The following KATNAL2 variants were observed in gnomAD, a reference collection of about 807,000 sequenced individuals.
KATNAL2 encodes the protein katanin p60 ATPase-containing subunit A-like 2.
KATNAL2 carries 52 observed loss-of-function variants against 76.3 expected under a neutral mutation model. That is an observed-to-expected ratio of 0.68 (90% CI 0.55 to 0.86). The LOEUF (loss-of-function observed/expected upper bound fraction) is 0.86. KATNAL2 is among the 40% of genes least tolerant of loss of function. The pLI is 0.00. For missense variants in KATNAL2, 660 were observed against 668.9 expected (o/e 0.99, Z 0.15); for synonymous variants, 243 against 244.2 (o/e 1.00, Z 0.05).
chr18:47,033,004 T>C lies in KATNAL2; in HGVS notation c.52-13453T>C, dbSNP rs756570695. 1.7e-5 allele frequency: 27 copies of C among 1,613,968 alleles called. No individual in the cohort carries two copies. In the Admixed American group the frequency reaches 3.5e-4, roughly 21 times the overall value. On this transcript the variant is annotated intron_variant, in intron 3 of 17. Coordinates refer to ENST00000683218, the MANE Select transcript of KATNAL2 (RefSeq NM_001387690.1). ...TTATCTGCAAGGCAAGTCCTGAGTT[T>C]ATCGTCGGGAGAATCTTCTCTTGTA...
At chr18:46,950,725 C>G (rs1158545264) in intron 3 of KATNAL2, among the ~76,000 whole-genome samples, 2 of 152,152 alleles carry the variant, frequency 1.3e-5, no homozygotes, top group Admixed American at 1.3e-4. Flanking sequence ...ACTCTTGATG[C>G]CCAGGCTAGA....
intron 3 of KATNAL2, among the ~76,000 whole-genome samples, chr18:46,952,668 G>A (rs575959353): frequency 6.6e-6 from 1 of 151,972 alleles, no homozygotes; most frequent in African/African-American, 2.4e-5. Context: ...TGAAGTGTTG[G>A]GATTACAGGC....
intron 6 of KATNAL2, among the ~76,000 whole-genome samples, chr18:47,057,992 T>C (rs867919633): frequency 6.6e-6 from 1 of 151,946 alleles, no homozygotes. Flanking sequence ...GAAAGGGAAA[T>C]GAAGAGGGTG....
intron 15 of KATNAL2, among the ~76,000 whole-genome samples, chr18:47,079,680 T>C (rs2062415469): frequency 6.6e-6 from 1 of 152,036 alleles, no homozygotes; most frequent in Admixed American, 6.5e-5. Flanking sequence ...CCTCCACTTG[T>C]CATTGACTTA....
Position 46,946,207 on chromosome 18 carries a change from T to C in KATNAL2, c.-359T>C. 9.5e-7 allele frequency: 1 copy of C among 1,047,152 alleles called. No homozygotes were observed. The highest frequency in any genetic ancestry group is 1.2e-6 in the Non-Finnish European group (1 of 864,506). 64.9% of individuals were successfully genotyped at this position (1,047,152 alleles called of 1,614,324 possible). A position where few individuals can be genotyped will look rare whatever the true frequency, so the allele number is the denominator to read the frequency against. ...AGGGAAAGACATTGAAGAAACAGACTAGTTAACACATGAAAAAAATAGAGC... is the reference window on the plus strand; with the variant it reads ...AGGGAAAGACATTGAAGAAACAGACCAGTTAACACATGAAAAAAATAGAGC... On this transcript the variant is annotated 5_prime_UTR_variant, in exon 2 of 18. Transcript: ENST00000683218.
chr18:46,947,077 C>G (rs1465959175), intron 3 of KATNAL2, among the ~76,000 whole-genome samples, 154 bp downstream of exon 3: 1 of 152,226 alleles, frequency 6.6e-6, no homozygotes, highest in African/African-American at 2.4e-5. Flanking sequence ...GTGGTTAAAT[C>G]CCGGGCTGGG....
At chr18:47,091,203 C>A (rs925067212) in intron 15 of KATNAL2, 1 of 152,264 alleles carries the variant, frequency 6.6e-6, no homozygotes. Context: ...CTCAGCTGAT[C>A]GGGCACAAGG....
Position 47,088,621 on chromosome 18 carries a change from C to T in KATNAL2, c.1212-10622C>T, listed in dbSNP as rs915373326. On this transcript the variant is annotated intron_variant, in intron 15 of 17. Transcript: ENST00000683218. The stretch of plus-strand genomic sequence containing the variant: ...GAGAGGGGGGTCTCACTCTGTTACC[C>T]AGGCTGGAGTGCAGCGATGCAATCT... 3.9e-5 allele frequency among the ~76,000 whole-genome samples: 6 copies of T among 152,122 alleles called. No homozygotes were observed. The South Asian group carries it at 1.0e-3, about 26-fold the overall frequency.
chr18:47,035,258 C>T (rs775699100), intron 3 of KATNAL2: 9 of 1,612,776 alleles, frequency 5.6e-6, no homozygotes, highest in Non-Finnish European at 6.8e-6. Flanking sequence ...GTGGACCCTG[C>T]CGCCATCTCA....
chr18:46,941,869 G>A (rs1239501129), intron 1 of KATNAL2, among the ~76,000 whole-genome samples: 2 of 152,052 alleles, frequency 1.3e-5, no homozygotes, highest in African/African-American at 2.4e-5. Flanking sequence ...TCTATAGAAG[G>A]GTGCCTACCC....
chr18:46,952,855 T>TTTCC (rs1469655306), intron 3 of KATNAL2, among the ~76,000 whole-genome samples: 1 of 151,322 alleles, frequency 6.6e-6, no homozygotes, highest in East Asian at 1.9e-4. Context: ...CTTCTCTTTG[T>TTTCC]TTCCTTCCCT....
chr18:47,046,459 C>T lies in KATNAL2; in HGVS notation c.54C>T (p.Cys18=), dbSNP rs945185126. ...ACCTAAATTTTCCTCTGTTCCAGTG[C>T]GAGATGAGGACAGAAGCACGACGAA... ...LKFTHQAREA[C]EMRTEARRKN... Residue 18 remains cysteine, a splice_region_variant and synonymous_variant, in exon 4 of 18, where the codon TGC becomes TGT. Coordinates refer to ENST00000683218, the MANE Select transcript of KATNAL2 (RefSeq NM_001387690.1). The T allele has an allele frequency of 3.9e-6, 6 of 1,534,752 alleles. No individual in the cohort carries two copies. The highest frequency in any genetic ancestry group is 4.4e-6 in the Non-Finnish European group (5 of 1,145,900).
At chr18:47,031,631 C>A (rs117361671) in intron 3 of KATNAL2, among the ~76,000 whole-genome samples, 2,374 of 152,268 alleles carry the variant, frequency 0.016, 25 homozygotes, top group Non-Finnish European at 0.025. Flanking sequence ...ACTGGCAATT[C>A]TTCAGAGCTA....
chr18:47,064,291 A>T (rs1395716887), intron 10 of KATNAL2, among the ~76,000 whole-genome samples: 1 of 152,128 alleles, frequency 6.6e-6, no homozygotes, highest in African/African-American at 2.4e-5. Flanking sequence ...GAAATCGCTA[A>T]GGGAAAAAGT....
intron 1 of KATNAL2, among the ~76,000 whole-genome samples, chr18:46,939,786 A>G (rs576975703): frequency 2.0e-5 from 3 of 152,350 alleles, no homozygotes; most frequent in African/African-American, 7.2e-5. Flanking sequence ...TGAAGGGAAC[A>G]GCTGTTGAGG....
intron 15 of KATNAL2, among the ~76,000 whole-genome samples, chr18:47,095,575 A>G (rs769778464): frequency 6.6e-5 from 10 of 152,262 alleles, no homozygotes; most frequent in Non-Finnish European, 1.3e-4. Flanking sequence ...TAAATTACCC[A>G]GTCTCAAGTA....
intron 1 of KATNAL2, among the ~76,000 whole-genome samples, chr18:46,941,253 C>T (rs962129532): frequency 4.6e-5 from 7 of 152,080 alleles, no homozygotes; most frequent in African/African-American, 1.4e-4. Context: ...GCAGGGGAAT[C>T]GCTTGATCCC....
intron 3 of KATNAL2, chr18:47,033,282 A>C (rs1325895872): frequency 3.1e-6 from 5 of 1,613,490 alleles, no homozygotes; most frequent in Non-Finnish European, 4.2e-6. Flanking sequence ...CGTCTCCTGC[A>C]GACTTCTCTT....
At chr18:47,058,939 G>T (rs2061548877) in intron 7 of KATNAL2, among the ~76,000 whole-genome samples, 1 of 152,108 alleles carries the variant, frequency 6.6e-6, no homozygotes, top group Non-Finnish European at 1.5e-5. Context: ...TCCTGACTCA[G>T]GAGGCTCATG....
Sources: gnomAD v4.1 joint callset for allele counts (sites outside exome capture counted in the v4.1 genomes callset) on GRCh38, gnomAD v4.1.1 for gene constraint, MANE v1.5 for transcripts, NCBI Gene and HGNC (gene_info 2026-07-23, HGNC 2026-07-21) for gene names.